KLHL29: variants seen among roughly 807,000 people sequenced by gnomAD.
KLHL29 encodes the protein kelch-like protein 29.
Under a neutral mutation model 80.4 loss-of-function variants are expected in KLHL29, and 21 were observed. The observed-to-expected ratio is 0.26, with a 90% CI of 0.19 to 0.38. The LOEUF (loss-of-function observed/expected upper bound fraction) is 0.38. Ranked by LOEUF, KLHL29 falls within the 10% of genes least tolerant of loss-of-function variation. KLHL29 has a pLI of 1.00. For synonymous variants in KLHL29, 511 were observed against 526.8 expected, an observed-to-expected ratio of 0.97 and a Z score of 0.41; for missense variants, 867 against 1,223.9, an observed-to-expected ratio of 0.71 and a Z score of 4.35.
At chr2:23,391,994 A>G (rs1666333684) in intron 1 of KLHL29, among the ~76,000 whole-genome samples, 2 of 152,314 alleles carry the variant, frequency 1.3e-5, no homozygotes, top group Admixed American at 1.3e-4. Context: ...TCCCGTCTCC[A>G]GTGCTTCCTA....
chr2:23,539,144 C>T (rs903618532), intron 2 of KLHL29, among the ~76,000 whole-genome samples: 2 of 152,126 alleles, frequency 1.3e-5, no homozygotes, highest in African/African-American at 4.8e-5. Context: ...GGCAGCCACC[C>T]AGGGCTGATG....
chr2:23,649,582 G>A (rs1371438648), intron 5 of KLHL29, among the ~76,000 whole-genome samples: 1 of 152,236 alleles, frequency 6.6e-6, no homozygotes, highest in Non-Finnish European at 1.5e-5. Context: ...CACAGGCAGA[G>A]AGAACCACCC....
At chr2:23,621,263 G>C (rs1485784315) in intron 3 of KLHL29, among the ~76,000 whole-genome samples, 3 of 152,212 alleles carry the variant, frequency 2.0e-5, no homozygotes, top group Non-Finnish European at 4.4e-5. Context: ...CCTCCCAGGG[G>C]AGAGACTGGG....
chr2:23,547,589 G>A (rs1667009896), intron 2 of KLHL29, among the ~76,000 whole-genome samples: 1 of 152,082 alleles, frequency 6.6e-6, no homozygotes. Flanking sequence ...CGTAGTAGAA[G>A]TGGTAGCAGT....
chr2:23,587,312 C>A (rs1473895921), intron 3 of KLHL29, among the ~76,000 whole-genome samples: 1 of 150,888 alleles, frequency 6.6e-6, no homozygotes, highest in Admixed American at 6.6e-5. Context: ...TATAACAATG[C>A]TCCTTTCATA....
chr2:23,510,664 A>G (rs1055963550), intron 2 of KLHL29, among the ~76,000 whole-genome samples: 1 of 152,200 alleles, frequency 6.6e-6, no homozygotes, highest in Non-Finnish European at 1.5e-5. Flanking sequence ...TGGCCCAGAG[A>G]GCAGAGCTTA....
At chr2:23,633,913 T>C (rs1479223367) in intron 3 of KLHL29, among the ~76,000 whole-genome samples, 3 of 152,054 alleles carry the variant, frequency 2.0e-5, no homozygotes, top group African/African-American at 7.2e-5. Context: ...TGGTCTGGTC[T>C]CCCCTTTGCA....
chr2:23,419,595 T>TGTCCTC (rs1435462706), intron 1 of KLHL29, among the ~76,000 whole-genome samples: 2 of 152,244 alleles, frequency 1.3e-5, no homozygotes, highest in African/African-American at 4.8e-5. Context: ...TCTGAAAGTA[T>TGTCCTC]GTCCTCGCTC....
At chr2:23,693,195 G>A in intron 7 of KLHL29, 74 bp from the exon 8 acceptor site, 1 of 1,479,312 alleles carries the variant, frequency 6.8e-7, no homozygotes, top group Non-Finnish European at 9.0e-7. Context: ...AAGGATCTAG[G>A]GTGACAGCAA....
At chr2:23,499,769 T>TG (rs1272723299) in intron 2 of KLHL29, among the ~76,000 whole-genome samples, 1 of 151,692 alleles carries the variant, frequency 6.6e-6, no homozygotes, top group Non-Finnish European at 1.5e-5. Context: ...GAGGGAGGAG[T>TG]GGGGCGGAAC....
chr2:23,682,727 G>A lies in KLHL29; in HGVS notation c.941-1672G>A, dbSNP rs1366394888. ...GCCCTCCCACTGGTGCTCTGAGCCT[G>A]TTGGTCTCTGTCTGTAGCTCCCACC... On this transcript the variant is annotated intron_variant, in intron 5 of 13. Coordinates refer to ENST00000486442, the MANE Select transcript of KLHL29 (RefSeq NM_052920.2). This position sits in a 1 kb window ranked among gnomAD's most constrained non-coding sequence, Gnocchi z 4.1. 6.6e-6 allele frequency among the ~76,000 whole-genome samples: 1 copy of A among 151,912 alleles called. No individual in the cohort carries two copies. Among genetic ancestry groups the A allele is most frequent in the Non-Finnish European group, 1.5e-5 (1 of 67,998 alleles).
chr2:23,678,969 A>T (rs1670999374), intron 5 of KLHL29, among the ~76,000 whole-genome samples: 1 of 151,996 alleles, frequency 6.6e-6, no homozygotes, highest in South Asian at 2.1e-4. Flanking sequence ...GATGAAAAGG[A>T]TTCCAGAGGA....
intron 6 of KLHL29, chr2:23,690,663 C>G (rs1671535420): frequency 6.6e-6 from 1 of 152,202 alleles, no homozygotes; most frequent in Admixed American, 6.5e-5. Context: ...GCGGCCAAGC[C>G]GACGGCCTGC....
intron 3 of KLHL29, among the ~76,000 whole-genome samples, chr2:23,606,190 G>C (rs1204277547): frequency 3.6e-5 from 1 of 27,912 alleles, no homozygotes; most frequent in Non-Finnish European, 6.1e-5. Context: ...GAGAGAGAGG[G>C]AGAGAGAGAG....
intron 1 of KLHL29, among the ~76,000 whole-genome samples, chr2:23,392,232 T>TG (rs1296541343): frequency 1.3e-5 from 2 of 152,356 alleles, no homozygotes; most frequent in African/African-American, 4.8e-5. Context: ...AAACTGTAGA[T>TG]GCCAATCCTG....
intron 1 of KLHL29, among the ~76,000 whole-genome samples, chr2:23,439,829 G>A (rs746889904): frequency 1.4e-4 from 21 of 152,106 alleles, no homozygotes; most frequent in Admixed American, 2.6e-4. Flanking sequence ...TATTAGGTCC[G>A]CTTGGTGTAG....
chr2:23,449,036 C>T (rs549232699), intron 1 of KLHL29, among the ~76,000 whole-genome samples: 45 of 152,148 alleles, frequency 3.0e-4, no homozygotes, highest in Non-Finnish European at 5.0e-4. Context: ...AATAACTTCC[C>T]AGAGCTTACA....
intron 1 of KLHL29, among the ~76,000 whole-genome samples, chr2:23,463,083 G>T: frequency 6.7e-6 from 1 of 149,084 alleles, no homozygotes; most frequent in Non-Finnish European, 1.5e-5. Context: ...TTTTTTTTCA[G>T]TGTAGTTTTT....
At chr2:23,552,756 C>A (rs80134631) in intron 2 of KLHL29, among the ~76,000 whole-genome samples, 1 of 50,740 alleles carries the variant, frequency 2.0e-5, no homozygotes, top group East Asian at 3.1e-4. Context: ...GCTCTGGTTT[C>A]TTTTCTTTTT....
Sources: gnomAD v4.1 joint callset for allele counts (sites outside exome capture counted in the v4.1 genomes callset) on GRCh38, gnomAD v4.1.1 for gene constraint, Gnocchi (gnomAD v3.1) non-coding constraint, MANE v1.5 for transcripts, NCBI Gene and HGNC (gene_info 2026-07-23, HGNC 2026-07-21) for gene names.